LBH: variants seen among roughly 807,000 people sequenced by gnomAD.
LBH encodes LBH regulator of Wnt signaling pathway.
LBH carries 7 observed loss-of-function variants against 12.5 expected under a neutral mutation model. The ratio of observed to expected loss-of-function variants is 0.56; its 90% CI spans 0.32 to 1.05. LBH has a LOEUF of 1.05. LBH is among the 50% of genes least tolerant of loss of function. The pLI, the probability that LBH is intolerant of heterozygous loss-of-function variation, is 0.04. For missense variants in LBH, 119 were observed against 138.9 expected (o/e 0.86, Z 0.72); for synonymous variants, 51 against 50.1 (o/e 1.02, Z -0.08).
chr2:30,256,976 T>C (rs1188931926), intron 2 of LBH, among the ~76,000 whole-genome samples: 1 of 152,236 alleles, frequency 6.6e-6, no homozygotes, highest in African/African-American at 2.4e-5. Flanking sequence ...GTGATATATG[T>C]ATAGCACCTG....
intron 2 of LBH, among the ~76,000 whole-genome samples, chr2:30,255,320 G>A (rs1268673875): frequency 2.0e-5 from 3 of 152,172 alleles, no homozygotes; most frequent in Admixed American, 2.0e-4. Context: ...ATGCACGTCT[G>A]GGCACAGCGC....
At chr2:30,233,491 T>C (rs1261703748) in intron 1 of LBH, among the ~76,000 whole-genome samples, 2 of 152,270 alleles carry the variant, frequency 1.3e-5, no homozygotes, top group African/African-American at 4.8e-5. Flanking sequence ...ATTTTTGTTT[T>C]AAACCATGTG....
At chr2:30,237,359 C>G (rs1028007379) in intron 2 of LBH, among the ~76,000 whole-genome samples, 1 of 152,194 alleles carries the variant, frequency 6.6e-6, no homozygotes, top group Non-Finnish European at 1.5e-5. Flanking sequence ...GAGAGTGAAG[C>G]TTTCCTGATT....
At position 30,240,755 on chromosome 2, in the gene LBH, C is replaced by T. The variant is rs150907469; in HGVS notation, c.129+6248C>T. On this transcript the variant is annotated intron_variant, in intron 2 of 2. Coordinates refer to ENST00000395323, the MANE Select transcript of LBH (RefSeq NM_030915.4). ...AAACTTTGGGAGCCCCCTCAAGCCCCCTCTCCGGTGGACTTAATTGCCTCC... is the reference window on the plus strand; with the variant it reads ...AAACTTTGGGAGCCCCCTCAAGCCCTCTCTCCGGTGGACTTAATTGCCTCC... Among the ~76,000 whole-genome samples, 16 of 152,324 alleles carry T rather than the reference C, an allele frequency of 1.1e-4. No homozygotes were observed. In the East Asian group the frequency reaches 1.5e-3, roughly 15 times the overall value.
intron 2 of LBH, among the ~76,000 whole-genome samples, chr2:30,248,499 G>C (rs1408726656): frequency 6.6e-6 from 1 of 152,212 alleles, no homozygotes; most frequent in African/African-American, 2.4e-5. Context: ...AAAAAAGAAT[G>C]CGGGGATAGT....
At chr2:30,251,597 G>A (rs1473729962) in intron 2 of LBH, among the ~76,000 whole-genome samples, 1 of 149,092 alleles carries the variant, frequency 6.7e-6, no homozygotes, top group African/African-American at 2.5e-5. Flanking sequence ...ATCCTGGAAG[G>A]TTGAGGCTAC....
Position 30,235,460 on chromosome 2 carries a change from C to G in LBH, c.129+953C>G, listed in dbSNP as rs529323382. ...TGCCCACTGCACGCCAAGCACTCTA[C>G]AGACGCTGCCTTGCTCACATCTTAC... On this transcript the variant is annotated intron_variant, in intron 2 of 2. Coordinates refer to ENST00000395323, the MANE Select transcript of LBH (RefSeq NM_030915.4). Among the ~76,000 whole-genome samples the G allele has an allele frequency of 3.9e-5, 6 of 152,232 alleles. No homozygotes were observed. In the South Asian group the frequency reaches 1.0e-3, roughly 26 times the overall value.
In LBH at chr2:30,259,257, G is replaced by C. The variant is rs1678146305; in HGVS notation, c.*1636G>C. 1 of 152,920 alleles carries C rather than the reference G, an allele frequency of 6.5e-6. No homozygotes were observed. The highest frequency in any genetic ancestry group is 2.1e-4 in the South Asian group (1 of 4,828). 9.5% of individuals were successfully genotyped at this position (152,920 alleles called of 1,614,324 possible). On this transcript the variant is annotated 3_prime_UTR_variant, in exon 3 of 3. Transcript: ENST00000395323. ...CGGGGCAGGAGGACGAGGGTGCGCTGTGGACACAGCAGTCCGCGGAATTCC... is the reference window on the plus strand; with the variant it reads ...CGGGGCAGGAGGACGAGGGTGCGCTCTGGACACAGCAGTCCGCGGAATTCC...
intron 2 of LBH, among the ~76,000 whole-genome samples, chr2:30,248,320 G>A (rs1336135309): frequency 3.9e-5 from 6 of 152,136 alleles, no homozygotes; most frequent in African/African-American, 1.4e-4. Flanking sequence ...GGGTAGAGAC[G>A]GAATGAAAGT....
At chr2:30,247,728 G>C (rs1442691873) in intron 2 of LBH, among the ~76,000 whole-genome samples, 5 of 152,246 alleles carry the variant, frequency 3.3e-5, no homozygotes, top group Non-Finnish European at 7.3e-5. Flanking sequence ...TAAGTGACAT[G>C]TGGTTGAGTC....
At chr2:30,241,464 T>TTA in intron 2 of LBH, among the ~76,000 whole-genome samples, 1 of 150,080 alleles carries the variant, frequency 6.7e-6, no homozygotes, top group South Asian at 2.1e-4. Flanking sequence ...TTCTTTCTTT[T>TTA]TTTTTTTTTT....
At chr2:30,251,851 C>T (rs1482580775) in intron 2 of LBH, among the ~76,000 whole-genome samples, 1 of 152,098 alleles carries the variant, frequency 6.6e-6, no homozygotes, top group African/African-American at 2.4e-5. Flanking sequence ...ATGATGAAGG[C>T]AGCAAGATGT....
rs1289602563 is a variant in LBH at position 30,234,206 on chromosome 2, CT to C, written c.27-198del. The C allele has an allele frequency of 5.3e-6, 3 of 571,274 alleles. No homozygotes were observed. In the African/African-American group the frequency reaches 5.6e-5, roughly 11 times the overall value. The allele number at this position is 571,274 out of a possible 1,614,324, so 35.4% of individuals were successfully genotyped here. ...GAGGTCTGCAGACAATGGGCTTTGT[CT>C]GTTGCGGCTGAGCCCTGGGGCTGTG... On this transcript the variant is annotated intron_variant, in intron 1 of 2. Coordinates refer to ENST00000395323, the MANE Select transcript of LBH (RefSeq NM_030915.4).
chr2:30,255,354 C>A (rs983325950), intron 2 of LBH, among the ~76,000 whole-genome samples: 31 of 152,040 alleles, frequency 2.0e-4, no homozygotes, highest in African/African-American at 7.5e-4. Flanking sequence ...AACTTCTGGG[C>A]CAACCTGGTC....
intron 2 of LBH, among the ~76,000 whole-genome samples, chr2:30,238,817 C>T (rs1029683938): frequency 6.6e-6 from 1 of 151,350 alleles, no homozygotes; most frequent in East Asian, 1.9e-4. Context: ...TTTCCCGGCA[C>T]AAGATCTCTT....
At chr2:30,241,015 CAG>C (rs1336421849) in intron 2 of LBH, among the ~76,000 whole-genome samples, 1 of 152,238 alleles carries the variant, frequency 6.6e-6, no homozygotes, top group African/African-American at 2.4e-5. Context: ...GGTTCCCAAA[CAG>C]AATTTAAAAT....
intron 2 of LBH, among the ~76,000 whole-genome samples, chr2:30,253,030 CA>C (rs1345564536): frequency 6.6e-6 from 1 of 152,176 alleles, no homozygotes; most frequent in Non-Finnish European, 1.5e-5. Flanking sequence ...CTTTTGGGAA[CA>C]GGGGCAGTTC....
chr2:30,234,403 A>C lies in LBH; in HGVS notation c.27-2A>C, dbSNP rs773306754. On this transcript the variant is annotated splice_acceptor_variant, in intron 1 of 2. Transcript: ENST00000395323. LOFTEE classifies it high-confidence loss of function. ...TGACTTTTGGTCTGGGTTTCTTGGC[A>C]GCCCCGACTATCTGAGATCGGCCAA... is the stretch of plus-strand genomic sequence containing the variant. The C allele has an allele frequency of 6.2e-7, 1 of 1,613,614 alleles. No individual in the cohort carries two copies. The highest frequency in any genetic ancestry group is 2.2e-5 in the East Asian group (1 of 44,872).
At chr2:30,238,951 G>A (rs1303498354) in intron 2 of LBH, among the ~76,000 whole-genome samples, 2 of 146,332 alleles carry the variant, frequency 1.4e-5, no homozygotes, top group South Asian at 2.2e-4. Context: ...GTGCAGTGGC[G>A]CGATCTCTTC....
Sources: allele counts gnomAD v4.1 joint callset (sites outside exome capture counted in the v4.1 genomes callset), GRCh38; gene constraint gnomAD v4.1.1; transcripts MANE v1.5; gene names NCBI Gene and HGNC (gene_info 2026-07-23, HGNC 2026-07-21).